NTM: variants seen among roughly 807,000 people sequenced by gnomAD.
NTM encodes neurotrimin.
A neutral mutation model predicts 42.1 loss-of-function variants in NTM; 13 were observed. The observed-to-expected ratio is 0.31, with a 90% CI of 0.20 to 0.49. NTM has a LOEUF of 0.49. NTM is among the 20% of genes least tolerant of loss of function. NTM has a pLI of 0.99. For synonymous variants in NTM, 187 were observed against 179.2 expected (o/e 1.04, Z -0.35); for missense variants, 373 against 452.8 (o/e 0.82, Z 1.60).
chr11:132,107,242 C>G (rs929247575), intron 2 of NTM, among the ~76,000 whole-genome samples: 1 of 148,074 alleles, frequency 6.8e-6, no homozygotes, highest in African/African-American at 2.5e-5. Flanking sequence ...TCACACAACA[C>G]AAAACTAACT....
intron 1 of NTM, among the ~76,000 whole-genome samples, chr11:131,825,177 C>T (rs1187838621): frequency 1.3e-5 from 2 of 152,146 alleles, no homozygotes; most frequent in Admixed American, 6.5e-5. Context: ...CCAATCTCTG[C>T]CTTCATCTTC....
chr11:132,184,613 C>T (rs1377909886), intron 3 of NTM, among the ~76,000 whole-genome samples: 1 of 152,116 alleles, frequency 6.6e-6, no homozygotes, highest in African/African-American at 2.4e-5. Context: ...TGAAGCCTGG[C>T]TCTTCCCTCA....
rs1299957620 is a variant in NTM at position 131,598,861 on chromosome 11, CT to C, written c.82+227975del. Among the ~76,000 whole-genome samples the C allele has an allele frequency of 3.2e-3, 131 of 41,172 alleles. 21 individuals carry two copies. Among genetic ancestry groups the C allele is most frequent in the African/African-American group, 7.5e-3 (115 of 15,384 alleles). 27.0% of individuals were successfully genotyped at this position (41,172 alleles called of 152,430 possible). A position where few individuals can be genotyped will look rare whatever the true frequency, so the allele number is the denominator to read the frequency against. On this transcript the variant is annotated intron_variant, in intron 1 of 8. Coordinates refer to ENST00000683400, the MANE Select transcript of NTM (RefSeq NM_001352005.2). ...TCTTTCTTTCTTTCTTCCTTCCTTC[CT>C]TCCTTCCTTCCTTCTTCCTTCCTTC...
At chr11:131,599,619 T>TGACC (rs1357039947) in intron 1 of NTM, among the ~76,000 whole-genome samples, 1 of 152,236 alleles carries the variant, frequency 6.6e-6, no homozygotes, top group Non-Finnish European at 1.5e-5. Flanking sequence ...TAAATATACT[T>TGACC]CCAGTCATTG....
intron 2 of NTM, among the ~76,000 whole-genome samples, chr11:132,054,932 T>G (rs2079392892): frequency 6.6e-6 from 1 of 152,154 alleles, no homozygotes; most frequent in South Asian, 2.1e-4. Flanking sequence ...ATGAATTATC[T>G]GTGGTTAAGG....
At chr11:131,948,035 G>A (rs117117181) in intron 2 of NTM, among the ~76,000 whole-genome samples, 1 of 152,136 alleles carries the variant, frequency 6.6e-6, no homozygotes, top group Admixed American at 6.5e-5. Flanking sequence ...AAGGCCATTG[G>A]TGCCCATGAT....
At chr11:131,480,760 C>T (rs999877511) in intron 1 of NTM, among the ~76,000 whole-genome samples, 10 of 151,782 alleles carry the variant, frequency 6.6e-5, no homozygotes, top group African/African-American at 2.2e-4. Flanking sequence ...GGAAGAGTGG[C>T]CAGCTCTGTC....
chr11:131,468,002 T>C (rs1952058064), intron 1 of NTM, among the ~76,000 whole-genome samples: 1 of 152,204 alleles, frequency 6.6e-6, no homozygotes, highest in Admixed American at 6.5e-5. Flanking sequence ...TTCCAAAACT[T>C]CTTGAGTCAC....
At chr11:131,519,203 T>C (rs969883439) in intron 1 of NTM, among the ~76,000 whole-genome samples, 2 of 152,224 alleles carry the variant, frequency 1.3e-5, no homozygotes, top group South Asian at 2.1e-4. Flanking sequence ...TTCTCTCTTA[T>C]TCCCTTCCAC....
intron 1 of NTM, among the ~76,000 whole-genome samples, chr11:131,428,773 G>A (rs959621051): frequency 1.3e-5 from 2 of 150,536 alleles, no homozygotes; most frequent in Admixed American, 6.7e-5. Flanking sequence ...GATGGCTCAC[G>A]CCTATAATCC....
intron 1 of NTM, among the ~76,000 whole-genome samples, chr11:131,461,171 T>A (rs966425742): frequency 1.3e-5 from 2 of 152,232 alleles, no homozygotes; most frequent in African/African-American, 4.8e-5. Flanking sequence ...TCTACGGGTA[T>A]GCCTGTGGGC....
chr11:131,401,976 A>G (rs1945292572), intron 1 of NTM, among the ~76,000 whole-genome samples: 1 of 150,428 alleles, frequency 6.6e-6, no homozygotes, highest in African/African-American at 2.4e-5. Context: ...TTGCTCAGCC[A>G]TCAAAGTCTT....
At chr11:131,691,447 C>A (rs892183582) in intron 1 of NTM, among the ~76,000 whole-genome samples, 1 of 152,198 alleles carries the variant, frequency 6.6e-6, no homozygotes, top group East Asian at 1.9e-4. Context: ...CTGGCCGAGC[C>A]GAGAGCCGCG....
intron 1 of NTM, among the ~76,000 whole-genome samples, chr11:131,665,226 A>T (rs1297583802): frequency 6.6e-6 from 1 of 152,192 alleles, no homozygotes; most frequent in East Asian, 1.9e-4. Flanking sequence ...ACATTTGCCC[A>T]GCCATTCAGA....
intron 2 of NTM, among the ~76,000 whole-genome samples, chr11:131,915,945 G>T (rs1011546088): frequency 3.9e-5 from 6 of 152,200 alleles, no homozygotes; most frequent in Admixed American, 3.9e-4. Context: ...TGGGGACACA[G>T]CCAGACCATA....
chr11:131,483,137 T>G (rs1953792030), intron 1 of NTM, among the ~76,000 whole-genome samples: 1 of 152,218 alleles, frequency 6.6e-6, no homozygotes, highest in Non-Finnish European at 1.5e-5. Context: ...GACATGAGTT[T>G]CCACATTTAA....
At chr11:132,078,307 C>T (rs779179697) in intron 2 of NTM, among the ~76,000 whole-genome samples, 23 of 152,206 alleles carry the variant, frequency 1.5e-4, no homozygotes, top group Non-Finnish European at 3.1e-4. Flanking sequence ...TGTGCGGCTT[C>T]GAACCTCAGC....
rs1183643754 is a variant in NTM at position 131,983,904 on chromosome 11, A to G, written c.167+72256A>G. 7.2e-5 allele frequency among the ~76,000 whole-genome samples: 11 copies of G among 152,364 alleles called. 1 individual carries two copies. Among genetic ancestry groups the G allele is most frequent in the African/African-American group, 2.6e-4 (11 of 41,582 alleles). ...TAGCTTCCAGCCAAAGGAAGAGGAC[A>G]GAATATAGAAGAATACATAAGGGAG... On this transcript the variant is annotated intron_variant, in intron 2 of 8. Coordinates refer to ENST00000683400, the MANE Select transcript of NTM (RefSeq NM_001352005.2).
At chr11:131,821,095 A>G (rs2093168790) in intron 1 of NTM, among the ~76,000 whole-genome samples, 1 of 151,916 alleles carries the variant, frequency 6.6e-6, no homozygotes, top group Non-Finnish European at 1.5e-5. Context: ...ACACGCAAGT[A>G]CAAAGATGAT....
Sources: gnomAD v4.1 joint callset for allele counts (sites outside exome capture counted in the v4.1 genomes callset) on GRCh38, gnomAD v4.1.1 for gene constraint, MANE v1.5 for transcripts, NCBI Gene and HGNC (gene_info 2026-07-23, HGNC 2026-07-21) for gene names.